The following ABCA4 variants were observed in gnomAD, a reference collection of about 807,000 sequenced individuals.
The protein encoded by ABCA4 is retinal-specific phospholipid-transporting ATPase ABCA4.
A neutral mutation model predicts 263.7 loss-of-function variants in ABCA4; 196 were observed. The observed-to-expected ratio is 0.74, with a 90% CI of 0.66 to 0.84. The LOEUF (loss-of-function observed/expected upper bound fraction) is 0.84. Among genes scored for constraint, ABCA4 ranks in the 40% least tolerant of loss-of-function variants. The pLI, the probability that ABCA4 is intolerant of heterozygous loss-of-function variation, is 0.00. For missense variants in ABCA4, 2,792 were observed against 2,855.1 expected, an observed-to-expected ratio of 0.98 and a Z score of 0.50; for synonymous variants, 1,133 against 1,094.2, an observed-to-expected ratio of 1.04 and a Z score of -0.70.
chr1:94,013,472 C>G (rs1222798179), intron 38 of ABCA4, among the ~76,000 whole-genome samples: 2 of 152,180 alleles, frequency 1.3e-5, no homozygotes, highest in South Asian at 4.2e-4. Flanking sequence ...GCTGGCCGGT[C>G]CCACCCTCTG....
intron 1 of ABCA4, among the ~76,000 whole-genome samples, chr1:94,113,508 G>T (rs1317962813): frequency 1.3e-5 from 2 of 152,234 alleles, no homozygotes; most frequent in Non-Finnish European, 2.9e-5. Context: ...GTTAAGGAAA[G>T]AGGCTCAGAG....
intron 4 of ABCA4, among the ~76,000 whole-genome samples, chr1:94,107,278 C>T (rs937985433): frequency 2.6e-5 from 4 of 152,164 alleles, no homozygotes; most frequent in African/African-American, 9.6e-5. Flanking sequence ...CTCTGAGCCC[C>T]GTTTCCTGGG....
At chr1:94,083,853 C>T (rs988980792) in intron 6 of ABCA4, among the ~76,000 whole-genome samples, 3 of 152,206 alleles carry the variant, frequency 2.0e-5, no homozygotes, top group East Asian at 1.9e-4. Flanking sequence ...GCAGTCTTCT[C>T]GTCATTGTTT....
chr1:94,104,676 G>C (rs867372894), intron 4 of ABCA4, among the ~76,000 whole-genome samples: 2 of 152,196 alleles, frequency 1.3e-5, no homozygotes, highest in South Asian at 4.1e-4. Context: ...TTCCCTGAGA[G>C]TGGTGCCCAC....
chr1:94,056,818 C>G lies in ABCA4; in HGVS notation c.2165G>C (p.Gly722Ala), dbSNP rs1660996321. 3.8e-6 allele frequency: 6 copies of G among 1,599,732 alleles called. No individual in the cohort carries two copies. Among genetic ancestry groups the G allele is most frequent in the Non-Finnish European group, 5.1e-6 (6 of 1,172,842 alleles). Residue 722 changes from glycine (G) to alanine (A), a missense_variant, in exon 15 of 50, where the codon GGA becomes GCA. Physicochemically the swap from Gly to Ala is moderately conservative, Grantham distance 60. Coordinates refer to ENST00000370225, the MANE Select transcript of ABCA4 (RefSeq NM_000350.3). ...TGGGTCGCTGTAATGTAGGATTCTT[C>G]CATGCTGAAACCAAGAGGCCATGCG... ...IFLLTIFIMH[G>A]RILHYSDPFI...
intron 30 of ABCA4, 22 bp from the exon 31 acceptor site, chr1:94,025,070 G>C (rs78742319): frequency 4.4e-6 from 7 of 1,597,670 alleles, no homozygotes; most frequent in East Asian, 4.5e-5. Context: ...AGACACCCAC[G>C]TTAATTACCT....
chr1:94,041,057 G>T, intron 23 of ABCA4, 152 bp downstream of exon 23: 1 of 805,068 alleles, frequency 1.2e-6, no homozygotes, highest in Non-Finnish European at 2.1e-6. Context: ...GCTTCAGAAT[G>T]TGTTCATCGA....
intron 11 of ABCA4, among the ~76,000 whole-genome samples, chr1:94,067,421 A>C (rs1198610350): frequency 6.6e-6 from 1 of 152,166 alleles, no homozygotes; most frequent in Non-Finnish European, 1.5e-5. Context: ...GCTGATTCAT[A>C]GTCATGTTTC....
In ABCA4 at chr1:94,019,524, A is replaced by T. The variant is rs540195578; in HGVS notation, c.5196+58T>A. The T allele has an allele frequency of 4.4e-4, 679 of 1,534,652 alleles. 1 individual carries two copies. Among genetic ancestry groups the T allele is most frequent in the Non-Finnish European group, 5.6e-4 (639 of 1,134,602 alleles). ...CTCTTGGTCTGGTCCTTCAGAGCAC[A>T]CACAAGCTCCACCTTGGGCCCACGG... On this transcript the variant is annotated intron_variant, in intron 36 of 49. Transcript: ENST00000370225.
chr1:94,069,853 C>T (rs111562966), intron 11 of ABCA4, among the ~76,000 whole-genome samples: 4 of 152,028 alleles, frequency 2.6e-5, no homozygotes, highest in South Asian at 2.1e-4. Flanking sequence ...AAACACATGA[C>T]GACTGGAAAA....
rs1661161901 is a variant in ABCA4, at chr1:94,062,647, G to C, written c.1867C>G (p.Gln623Glu). 6.2e-7 allele frequency: 1 copy of C among 1,614,158 alleles called. No homozygotes were observed. Among genetic ancestry groups the C allele is most frequent in the Non-Finnish European group, 8.5e-7 (1 of 1,180,042 alleles). The change falls in exon 13 of 50, where the codon CAG becomes GAG. Residue 623 changes from glutamine to glutamate, a missense_variant. Coordinates refer to ENST00000370225, the MANE Select transcript of ABCA4 (RefSeq NM_000350.3). ...CCAACTGGAGCCTCCGCCTGCACCTGGCTCCTTGTGATCCCCTGTTCAACC... is the reference window on the plus strand; with the variant it reads ...CCAACTGGAGCCTCCGCCTGCACCTCGCTCCTTGTGATCCCCTGTTCAACC... ...DMVEQGITRS[Q>E]VQAEAPVGIY...
intron 1 of ABCA4, among the ~76,000 whole-genome samples, chr1:94,114,185 A>C (rs1351302720): frequency 6.6e-6 from 1 of 152,216 alleles, no homozygotes; most frequent in African/African-American, 2.4e-5. Flanking sequence ...AAAATAAAAG[A>C]CACCATAGCA....
At position 93,996,682 on chromosome 1, in the gene ABCA4, AT is replaced by A. The variant is rs375865755; in HGVS notation, c.6730-488del. On this transcript the variant is annotated intron_variant, in intron 48 of 49. Transcript: ENST00000370225. Reference sequence around the variant, plus strand: ...TACTGAACTGTCTCTAAAGATGTTTATTTTTAAAAAAACATATATAAAAACA... The same window carrying A: ...TACTGAACTGTCTCTAAAGATGTTTATTTTAAAAAAACATATATAAAAACA... 8.8e-3 allele frequency among the ~76,000 whole-genome samples: 1,334 copies of A among 152,126 alleles called. 23 individuals are homozygous for A. The highest frequency in any genetic ancestry group is 0.026 in the African/African-American group (1,083 of 41,428).
At chr1:94,104,000 C>G (rs1662354170) in intron 4 of ABCA4, among the ~76,000 whole-genome samples, 1 of 152,238 alleles carries the variant, frequency 6.6e-6, no homozygotes, top group Non-Finnish European at 1.5e-5. Flanking sequence ...TTTTCCACAT[C>G]TACCTCATAG....
At chr1:94,120,185 C>A (rs981943508) in intron 1 of ABCA4, among the ~76,000 whole-genome samples, 5 of 152,222 alleles carry the variant, frequency 3.3e-5, no homozygotes, top group African/African-American at 1.2e-4. Context: ...TTTGCTCGCA[C>A]TTCTCATGGA....
At chr1:94,038,263 T>A (rs1433350473) in intron 24 of ABCA4, among the ~76,000 whole-genome samples, 1 of 152,112 alleles carries the variant, frequency 6.6e-6, no homozygotes, top group East Asian at 1.9e-4. Flanking sequence ...AGAATTGAAT[T>A]TTATGTACAA....
Position 94,102,401 on chromosome 1 carries a change from A to G in ABCA4, c.570+614T>C, listed in dbSNP as rs542345558. ...GCCAGCACTGTGCTGGCAGCTTCCAAGCCCGGAACTCCCCTCTCACTTACT... is the reference window on the plus strand; with the variant it reads ...GCCAGCACTGTGCTGGCAGCTTCCAGGCCCGGAACTCCCCTCTCACTTACT... On this transcript the variant is annotated intron_variant, in intron 5 of 49. Coordinates refer to ENST00000370225, the MANE Select transcript of ABCA4 (RefSeq NM_000350.3). 8.6e-5 allele frequency among the ~76,000 whole-genome samples: 13 copies of G among 151,956 alleles called. No homozygotes were observed. The South Asian group carries it at 2.5e-3, about 29-fold the overall frequency.
intron 35 of ABCA4, among the ~76,000 whole-genome samples, 178 bp downstream of exon 35, chr1:94,021,062 A>G (rs1191755290): frequency 1.3e-5 from 2 of 152,268 alleles, no homozygotes; most frequent in African/African-American, 4.8e-5. Flanking sequence ...AAGAATGACC[A>G]AGAGGTCTGG....
chr1:94,037,298 C>T lies in ABCA4; in HGVS notation c.3660G>A (p.Lys1220=), dbSNP rs761232547. ...DVVLHHVPEA[K]LVECIGQELI... is the part of the protein sequence containing the mutation. Reference sequence around the variant, plus strand: ...GTTCTTGACCAATGCACTCCACCAGCTTTGCCTCTGGAACATGGTGGAGAA... The same window carrying T: ...GTTCTTGACCAATGCACTCCACCAGTTTTGCCTCTGGAACATGGTGGAGAA... Residue 1220 remains lysine, a synonymous_variant, in exon 25 of 50, where the codon AAG becomes AAA. Transcript: ENST00000370225. 33 of 1,614,116 alleles carry T rather than the reference C, an allele frequency of 2.0e-5. No homozygotes were observed. The highest frequency in any genetic ancestry group is 2.7e-5 in the Non-Finnish European group (32 of 1,180,042).
Sources: allele counts gnomAD v4.1 joint callset (sites outside exome capture counted in the v4.1 genomes callset), GRCh38; gene constraint gnomAD v4.1.1; transcripts MANE v1.5; gene names NCBI Gene and HGNC (gene_info 2026-07-23, HGNC 2026-07-21).